The following AUTS2 variants were observed in gnomAD, a reference collection of about 807,000 sequenced individuals.
AUTS2 encodes autism susceptibility gene 2 protein.
Under a neutral mutation model 112.4 loss-of-function variants are expected in AUTS2, and 17 were observed. The ratio of observed to expected loss-of-function variants is 0.15; its 90% confidence interval spans 0.10 to 0.23. The LOEUF (loss-of-function observed/expected upper bound fraction) is 0.23, where lower values mean the gene tolerates loss of function less well. AUTS2 is among the 10% of genes least tolerant of loss of function. AUTS2 has a pLI of 1.00. For synonymous variants in AUTS2, 751 were observed against 702.7 expected, an observed-to-expected ratio of 1.07 and a Z score of -1.09; for missense variants, 1,510 against 1,701.6, an observed-to-expected ratio of 0.89 and a Z score of 1.98.
chr7:70,393,531 C>T (rs919723586), intron 4 of AUTS2, among the ~76,000 whole-genome samples: 8 of 152,116 alleles, frequency 5.3e-5, no homozygotes, highest in Non-Finnish European at 8.8e-5. Flanking sequence ...GTGGATGCCT[C>T]TCTGTGGTTC....
chr7:69,852,381 T>A (rs1161924586), intron 1 of AUTS2, among the ~76,000 whole-genome samples: 1 of 152,080 alleles, frequency 6.6e-6, no homozygotes, highest in Non-Finnish European at 1.5e-5. Flanking sequence ...TTTGCTGGTA[T>A]TTTTAGGGTA....
chr7:70,785,264 C>T, intron 16 of AUTS2: 1 of 615,860 alleles, frequency 1.6e-6, no homozygotes, highest in South Asian at 1.8e-5. Flanking sequence ...CCTGAACTTC[C>T]CATGGTGCAG....
At chr7:70,396,749 T>A (rs1794102202) in intron 4 of AUTS2, among the ~76,000 whole-genome samples, 1 of 152,192 alleles carries the variant, frequency 6.6e-6, no homozygotes, top group African/African-American at 2.4e-5. Context: ...TGTATGGATA[T>A]ACCATAATTA....
At chr7:70,127,250 C>A (rs140802592) in intron 3 of AUTS2, among the ~76,000 whole-genome samples, 7 of 152,058 alleles carry the variant, frequency 4.6e-5, no homozygotes, top group African/African-American at 1.4e-4. Context: ...TCTTGTGCCC[C>A]GGCCTCCTGA....
At chr7:69,930,281 A>C (rs530481191) in intron 2 of AUTS2, among the ~76,000 whole-genome samples, 63 of 152,102 alleles carry the variant, frequency 4.1e-4, no homozygotes, top group African/African-American at 1.5e-3. Flanking sequence ...TTGCAGGTGA[A>C]CCCTCTGTAG....
chr7:69,703,287 C>A (rs1275380861), intron 1 of AUTS2, among the ~76,000 whole-genome samples: 1 of 152,148 alleles, frequency 6.6e-6, no homozygotes, highest in Non-Finnish European at 1.5e-5. Flanking sequence ...TAACCTCCCC[C>A]AGCCCTTGAC....
At chr7:70,085,850 C>T (rs531487298) in intron 2 of AUTS2, among the ~76,000 whole-genome samples, 1 of 151,366 alleles carries the variant, frequency 6.6e-6, no homozygotes. Flanking sequence ...GCCCATGGGC[C>T]AAGAAAAGCT....
At chr7:69,990,862 G>C (rs181480771) in intron 2 of AUTS2, among the ~76,000 whole-genome samples, 2 of 152,296 alleles carry the variant, frequency 1.3e-5, no homozygotes, top group African/African-American at 4.8e-5. Context: ...GGAGTGTCAT[G>C]TTGGTGTTCA....
intron 5 of AUTS2, among the ~76,000 whole-genome samples, chr7:70,557,259 G>A (rs540614562): frequency 6.6e-6 from 1 of 152,274 alleles, no homozygotes; most frequent in South Asian, 2.1e-4. Context: ...TTTCCCTGCT[G>A]GCTAGGATTT....
At chr7:70,661,667 A>G (rs1807080839) in intron 5 of AUTS2, among the ~76,000 whole-genome samples, 1 of 151,910 alleles carries the variant, frequency 6.6e-6, no homozygotes, top group African/African-American at 2.4e-5. Flanking sequence ...AAATCTGTAG[A>G]TCTGTAGATC....
intron 5 of AUTS2, among the ~76,000 whole-genome samples, chr7:70,646,434 C>A (rs11979094): frequency 0.54 from 82,287 of 152,052 alleles, 22,880 homozygotes; most frequent in African/African-American, 0.64. Flanking sequence ...AGCCGTCAAG[C>A]GTGCATCTCA....
intron 6 of AUTS2, among the ~76,000 whole-genome samples, chr7:70,738,215 G>T (rs56786466): frequency 0.1 from 15,822 of 152,116 alleles, 897 homozygotes; most frequent in East Asian, 0.24. Context: ...GGGAGTGGCA[G>T]TCTCTCCAAA....
intron 1 of AUTS2, among the ~76,000 whole-genome samples, chr7:69,602,399 G>T (rs1381938038): frequency 1.3e-5 from 2 of 151,838 alleles, no homozygotes; most frequent in Admixed American, 1.3e-4. Flanking sequence ...TCTATGTGTA[G>T]GTAGAAAAGG....
intron 2 of AUTS2, among the ~76,000 whole-genome samples, chr7:70,011,075 C>A (rs1003314349): frequency 6.6e-6 from 1 of 152,132 alleles, no homozygotes; most frequent in African/African-American, 2.4e-5. Flanking sequence ...GTTAAGGCTA[C>A]TTATGTGTTG....
intron 1 of AUTS2, among the ~76,000 whole-genome samples, chr7:69,736,237 CCTT>C: frequency 1.3e-5 from 2 of 152,262 alleles, no homozygotes; most frequent in African/African-American, 4.8e-5. Context: ...CACACCACCT[CCTT>C]CTCAATCTAT....
intron 2 of AUTS2, among the ~76,000 whole-genome samples, chr7:69,964,224 A>G (rs1249541607): frequency 1.3e-5 from 2 of 152,182 alleles, no homozygotes; most frequent in African/African-American, 4.8e-5. Flanking sequence ...AACCCAGCTC[A>G]GACATGGACC....
At chr7:70,034,621 T>G (rs1387701661) in intron 2 of AUTS2, among the ~76,000 whole-genome samples, 2 of 152,222 alleles carry the variant, frequency 1.3e-5, no homozygotes, top group African/African-American at 4.8e-5. Flanking sequence ...TTGGAGGTGC[T>G]TCTAGTATCA....
chr7:70,750,054 A>G (rs1362615621), intron 6 of AUTS2, among the ~76,000 whole-genome samples: 2 of 152,192 alleles, frequency 1.3e-5, no homozygotes, highest in Non-Finnish European at 2.9e-5. Flanking sequence ...AGATGAGCTT[A>G]GGGCCAGAGT....
chr7:70,137,858 C>T lies in AUTS2; in HGVS notation c.660+3287C>T, dbSNP rs191943696. ...GCAAAGTAGGTTTTATAATTTGTAC[C>T]TGTAGGATAGTAGTATTTTATTCTT... is the stretch of plus-strand genomic sequence containing the variant. On this transcript the variant is annotated intron_variant, in intron 4 of 18. Transcript: ENST00000342771. Among the ~76,000 whole-genome samples, 5 of 152,220 alleles carry T rather than the reference C, an allele frequency of 3.3e-5. No individual in the cohort carries two copies. In the East Asian group the frequency reaches 7.7e-4, roughly 23 times the overall value.
Sources: allele counts gnomAD v4.1 joint callset (sites outside exome capture counted in the v4.1 genomes callset), GRCh38; gene constraint gnomAD v4.1.1; transcripts MANE v1.5; gene names NCBI Gene and HGNC (gene_info 2026-07-23, HGNC 2026-07-21).